Variants in MAML3 observed in about 807,000 individuals in gnomAD.
MAML3 encodes the protein mastermind-like protein 3.
In MAML3, 27 loss-of-function variants were observed where a neutral mutation model predicts 101.9. The ratio of observed to expected loss-of-function variants is 0.27; its 90% CI spans 0.20 to 0.37. The LOEUF (loss-of-function observed/expected upper bound fraction) is 0.37, where lower values mean the gene tolerates loss of function less well. MAML3 is among the 10% of genes least tolerant of loss of function. The probability of loss-of-function intolerance (pLI) is 1.00; values close to 1 mark genes in which losing one functional copy is unlikely to be tolerated. For synonymous variants in MAML3, 501 were observed against 555.9 expected, an observed-to-expected ratio of 0.90 and a Z score of 1.39; for missense variants, 1,316 against 1,444.9, an observed-to-expected ratio of 0.91 and a Z score of 1.45.
intron 2 of MAML3, among the ~76,000 whole-genome samples, chr4:139,813,072 A>G (rs1024881510): frequency 6.6e-6 from 1 of 151,610 alleles, no homozygotes; most frequent in Non-Finnish European, 1.5e-5. Context: ...AATTAGAAAT[A>G]TAGTAATAGG....
chr4:140,083,351 C>G (rs1560888061), intron 1 of MAML3, among the ~76,000 whole-genome samples: 1 of 152,230 alleles, frequency 6.6e-6, no homozygotes, highest in Non-Finnish European at 1.5e-5. Flanking sequence ...TACATGGTTG[C>G]TGCTCTGCAA....
chr4:139,855,147 C>G (rs879213168), intron 2 of MAML3, among the ~76,000 whole-genome samples: 1 of 152,186 alleles, frequency 6.6e-6, no homozygotes, highest in South Asian at 2.1e-4. Flanking sequence ...GGAGATTCAT[C>G]AGAGGATGAA....
chr4:139,909,164 T>C (rs1732872765), intron 1 of MAML3, among the ~76,000 whole-genome samples: 2 of 152,210 alleles, frequency 1.3e-5, no homozygotes, highest in East Asian at 1.9e-4. Flanking sequence ...TAAACTTTTC[T>C]GTACCTCAAT....
intron 1 of MAML3, among the ~76,000 whole-genome samples, chr4:140,140,348 T>A (rs1316121449): frequency 6.6e-6 from 1 of 151,988 alleles, no homozygotes; most frequent in African/African-American, 2.4e-5. Context: ...AAATTAAAAT[T>A]AAAATAAAAA....
chr4:139,856,249 T>C (rs931002688), intron 2 of MAML3, among the ~76,000 whole-genome samples: 2 of 152,196 alleles, frequency 1.3e-5, no homozygotes, highest in African/African-American at 2.4e-5. Context: ...ATAGCATAAA[T>C]GGGTGCCTGT....
chr4:139,720,184 C>T lies in MAML3; in HGVS notation c.2556G>A (p.Ala852=), dbSNP rs367655171. The change falls in exon 5 of 5, where the codon GCG becomes GCA. Residue 852 remains alanine, a synonymous_variant. Coordinates refer to ENST00000509479, the MANE Select transcript of MAML3 (RefSeq NM_018717.5). ...AAGGGGCCAGTCCCATCTCCGACTG[C>T]GCAGCTGCGGTGGCCATCGTCCCAG... ...QNPGTMATAA[A]QSEMGLAPYS... is the part of the protein sequence containing the mutation. 4.2e-4 allele frequency: 672 copies of T among 1,613,904 alleles called. 1 individual carries two copies. Among genetic ancestry groups the T allele is most frequent in the East Asian group, 6.7e-4 (30 of 44,894 alleles).
intron 2 of MAML3, among the ~76,000 whole-genome samples, chr4:139,824,490 G>A (rs1267287530): frequency 6.6e-6 from 1 of 152,058 alleles, no homozygotes; most frequent in African/African-American, 2.4e-5. Flanking sequence ...GACTGTCTTG[G>A]GACGATTATA....
chr4:139,730,124 C>T (rs1418445377), intron 3 of MAML3, among the ~76,000 whole-genome samples: 6 of 152,164 alleles, frequency 3.9e-5, no homozygotes, highest in Non-Finnish European at 8.8e-5. Context: ...GACCCCTGTA[C>T]CAGAAATCAG....
chr4:139,991,858 AC>A (rs1560859686), intron 1 of MAML3, among the ~76,000 whole-genome samples: 1 of 152,060 alleles, frequency 6.6e-6, no homozygotes. Flanking sequence ...AAAAACAACA[AC>A]AACAAACCAT....
chr4:139,805,890 T>C (rs1003842481), intron 2 of MAML3, among the ~76,000 whole-genome samples: 4 of 152,122 alleles, frequency 2.6e-5, no homozygotes, highest in Non-Finnish European at 4.4e-5. Context: ...AGAGAAATGA[T>C]AGTCCAGAAG....
chr4:140,025,208 G>A (rs2110882745), intron 1 of MAML3, among the ~76,000 whole-genome samples: 1 of 152,306 alleles, frequency 6.6e-6, no homozygotes, highest in East Asian at 1.9e-4. Context: ...TTAGGTATTA[G>A]ATGATACTAA....
At chr4:140,075,506 C>A (rs902467372) in intron 1 of MAML3, among the ~76,000 whole-genome samples, 1 of 152,076 alleles carries the variant, frequency 6.6e-6, no homozygotes, top group South Asian at 2.1e-4. Context: ...TATTTTAAAG[C>A]ACAATGTGAA....
intron 1 of MAML3, among the ~76,000 whole-genome samples, chr4:140,151,573 G>C (rs980502580): frequency 1.5e-4 from 23 of 152,226 alleles, no homozygotes; most frequent in African/African-American, 4.3e-4. Context: ...CGCCCCTGCC[G>C]GGCTCTGCGC....
At chr4:140,089,777 C>G (rs894774439) in intron 1 of MAML3, among the ~76,000 whole-genome samples, 12 of 152,040 alleles carry the variant, frequency 7.9e-5, no homozygotes, top group Admixed American at 6.5e-4. Flanking sequence ...AGGGGTAGCA[C>G]GAGGAAATGT....
rs75496993 is a variant in MAML3, at chr4:139,912,834, G to T, written c.469-21867C>A. 3.5e-3 allele frequency among the ~76,000 whole-genome samples: 526 copies of T among 152,330 alleles called. 7 individuals are homozygous for T. Among genetic ancestry groups the T allele is most frequent in the African/African-American group, 0.012 (502 of 41,568 alleles). The stretch of plus-strand genomic sequence containing the variant: ...GAGGAAGCACGGCCCTGCTCACCCT[G>T]CTGACACCTTGATTTTTACCTTCGA... On this transcript the variant is annotated intron_variant, in intron 1 of 4. Coordinates refer to ENST00000509479, the MANE Select transcript of MAML3 (RefSeq NM_018717.5).
chr4:139,779,968 G>C (rs1019833483), intron 2 of MAML3, among the ~76,000 whole-genome samples: 1 of 152,250 alleles, frequency 6.6e-6, no homozygotes, highest in Non-Finnish European at 1.5e-5. Flanking sequence ...TTCTCTGTCA[G>C]CTTGCAGACT....
chr4:139,987,433 A>T (rs1734560032), intron 1 of MAML3, among the ~76,000 whole-genome samples: 1 of 152,170 alleles, frequency 6.6e-6, no homozygotes, highest in East Asian at 1.9e-4. Context: ...CTGTGGTGGG[A>T]ACGCCGTGCG....
chr4:139,999,386 C>T (rs952317710), intron 1 of MAML3, among the ~76,000 whole-genome samples: 1 of 152,220 alleles, frequency 6.6e-6, no homozygotes, highest in Admixed American at 6.5e-5. Flanking sequence ...AACTGAACTG[C>T]ATTAGGGATG....
chr4:140,028,825 C>A lies in MAML3; in HGVS notation c.468+124035G>T, dbSNP rs17005455. 7.5e-3 allele frequency among the ~76,000 whole-genome samples: 1,143 copies of A among 152,238 alleles called. 14 individuals are homozygous for A. The highest frequency in any genetic ancestry group is 0.026 in the African/African-American group (1,081 of 41,546). ...TATTATTACCCTTTGCACCACTGATCGCCATAAATACTTCTTGGTTGTAAC... is the reference window on the plus strand; with the variant it reads ...TATTATTACCCTTTGCACCACTGATAGCCATAAATACTTCTTGGTTGTAAC... On this transcript the variant is annotated intron_variant, in intron 1 of 4. Transcript: ENST00000509479.
Sources: allele counts gnomAD v4.1 joint callset (sites outside exome capture counted in the v4.1 genomes callset), GRCh38; gene constraint gnomAD v4.1.1; transcripts MANE v1.5; gene names NCBI Gene and HGNC (gene_info 2026-07-23, HGNC 2026-07-21).